Variants in ANKS1B observed in about 807,000 individuals in gnomAD.
The protein encoded by ANKS1B is ankyrin repeat and sterile alpha motif domain-containing protein 1B.
ANKS1B carries 36 observed loss-of-function variants against 148.3 expected under a neutral mutation model. The ratio of observed to expected loss-of-function variants is 0.24; its 90% CI spans 0.19 to 0.32. The LOEUF (loss-of-function observed/expected upper bound fraction) is 0.32. Among genes scored for constraint, ANKS1B ranks in the 10% least tolerant of loss-of-function variants. The pLI is 1.00. For missense variants in ANKS1B, 1,157 were observed against 1,542.6 expected (o/e 0.75, Z 4.19); for synonymous variants, 542 against 560.8 (o/e 0.97, Z 0.47).
intron 3 of ANKS1B, among the ~76,000 whole-genome samples, chr12:99,808,390 C>A (rs77716104): frequency 3.3e-5 from 5 of 152,020 alleles, no homozygotes; most frequent in African/African-American, 1.2e-4. Flanking sequence ...TACTACTTTA[C>A]CTTGCAAATA....
chr12:99,614,547 A>C (rs965940571), intron 9 of ANKS1B, among the ~76,000 whole-genome samples: 3 of 146,312 alleles, frequency 2.1e-5, no homozygotes, highest in African/African-American at 7.4e-5. Flanking sequence ...TTTTCCATGT[A>C]CTAACAGCAA....
At chr12:99,692,782 T>C (rs527655741) in intron 8 of ANKS1B, among the ~76,000 whole-genome samples, 56 of 152,112 alleles carry the variant, frequency 3.7e-4, no homozygotes, top group African/African-American at 1.3e-3. Flanking sequence ...GGGAAGTCTA[T>C]GGGAGGAACC....
intron 17 of ANKS1B, among the ~76,000 whole-genome samples, chr12:98,927,696 G>A (rs2099810000): frequency 6.6e-6 from 1 of 151,536 alleles, no homozygotes; most frequent in African/African-American, 2.4e-5. Context: ...ACGGTAAATT[G>A]GTATTAATCC....
chr12:99,969,911 C>A (rs2095537320), intron 1 of ANKS1B, among the ~76,000 whole-genome samples: 1 of 152,074 alleles, frequency 6.6e-6, no homozygotes, highest in Non-Finnish European at 1.5e-5. Flanking sequence ...TTTTTCTAAC[C>A]TTTTCACCCA....
intron 8 of ANKS1B, among the ~76,000 whole-genome samples, chr12:99,686,923 C>T (rs1168547616): frequency 6.6e-6 from 1 of 152,078 alleles, no homozygotes; most frequent in Non-Finnish European, 1.5e-5. Flanking sequence ...ACCTATTTAT[C>T]ATTGTGGAAC....
chr12:98,991,563 A>G lies in ANKS1B; in HGVS notation c.2778+61594T>C, dbSNP rs12316423. Among the ~76,000 whole-genome samples, 775 of 152,356 alleles carry G rather than the reference A, an allele frequency of 5.1e-3. 13 individuals carry two copies. The highest frequency in any genetic ancestry group is 0.018 in the African/African-American group (743 of 41,582). On this transcript the variant is annotated intron_variant, in intron 17 of 26. Coordinates refer to ENST00000683438, the MANE Select transcript of ANKS1B (RefSeq NM_001352186.2). ...TGTCTTGCAAACGACCTGAACATCA[A>G]TTAACAATCTAATAATAATAGTAAC...
At chr12:99,983,270 A>G (rs746086509) in intron 1 of ANKS1B, among the ~76,000 whole-genome samples, 4 of 152,184 alleles carry the variant, frequency 2.6e-5, no homozygotes, top group Non-Finnish European at 5.9e-5. Context: ...TTGTCCATCA[A>G]TACAACTTTT....
chr12:99,046,527 C>T (rs1449413434), intron 17 of ANKS1B, among the ~76,000 whole-genome samples: 3 of 151,366 alleles, frequency 2.0e-5, no homozygotes, highest in Admixed American at 6.6e-5. Context: ...TGGCCGGGTG[C>T]GGTGGCTCAT....
chr12:98,881,222 G>T (rs2099707161), intron 17 of ANKS1B, among the ~76,000 whole-genome samples: 1 of 152,086 alleles, frequency 6.6e-6, no homozygotes, highest in East Asian at 1.9e-4. Context: ...CTTATAAATT[G>T]CTCAGTCCTT....
intron 19 of ANKS1B, among the ~76,000 whole-genome samples, chr12:98,819,015 A>C (rs895736236): frequency 7.2e-5 from 11 of 152,124 alleles, no homozygotes; most frequent in African/African-American, 2.7e-4. Context: ...ATTCTACTTT[A>C]ATCAACACTT....
chr12:99,623,835 C>A (rs943001168), intron 9 of ANKS1B, among the ~76,000 whole-genome samples: 20 of 150,370 alleles, frequency 1.3e-4, no homozygotes, highest in African/African-American at 3.9e-4. Context: ...CTGCCCAAAG[C>A]AATCTACATT....
In ANKS1B at chr12:98,970,307, T is replaced by C. The variant is rs1337964336; in HGVS notation, c.2778+82850A>G. 7.2e-5 allele frequency among the ~76,000 whole-genome samples: 11 copies of C among 152,228 alleles called. 1 individual carries two copies. On this transcript the variant is annotated intron_variant, in intron 17 of 26. Transcript: ENST00000683438. ...TGACACCTCTTCTTATACTTGATGT[T>C]GTTCTCTAGAATGCTGTTAAATTTG...
chr12:99,867,568 T>C (rs2090926628), intron 1 of ANKS1B, among the ~76,000 whole-genome samples: 1 of 152,104 alleles, frequency 6.6e-6, no homozygotes, highest in South Asian at 2.1e-4. Context: ...AGTTTCCCCT[T>C]ATAAAACCAT....
intron 17 of ANKS1B, among the ~76,000 whole-genome samples, chr12:98,884,672 G>A (rs565793729): frequency 2.6e-5 from 4 of 151,812 alleles, no homozygotes; most frequent in South Asian, 4.2e-4. Context: ...GGTGGCGGGC[G>A]CCTGTAGTCC....
chr12:99,134,961 T>C (rs1210701765), intron 15 of ANKS1B, among the ~76,000 whole-genome samples: 4 of 152,118 alleles, frequency 2.6e-5, no homozygotes, highest in Non-Finnish European at 4.4e-5. Context: ...CATTAGAGGA[T>C]AGCTTTTAGC....
chr12:99,179,256 G>A (rs531587367), intron 14 of ANKS1B, among the ~76,000 whole-genome samples: 2 of 151,420 alleles, frequency 1.3e-5, no homozygotes, highest in Admixed American at 6.6e-5. Flanking sequence ...GTGAAACCCC[G>A]TCTCTACTAA....
Position 98,798,838 on chromosome 12 carries a change from G to T in ANKS1B, c.3342+96C>A, listed in dbSNP as rs185994741. 8.4e-4 allele frequency: 858 copies of T among 1,020,604 alleles called. 1 individual carries two copies. Among genetic ancestry groups the T allele is most frequent in the Admixed American group, 4.7e-3 (186 of 39,622 alleles). The allele number at this position is 1,020,604 out of a possible 1,614,324, so 63.2% of individuals were successfully genotyped here. A position where few individuals can be genotyped will look rare whatever the true frequency, so the allele number is the denominator to read the frequency against. Reference sequence around the variant, plus strand: ...ACCAATGTGATTCAGCAGACCAACAGATGGAGAAAATAGTAATTTGAAAGG... The same window carrying T: ...ACCAATGTGATTCAGCAGACCAACATATGGAGAAAATAGTAATTTGAAAGG... On this transcript the variant is annotated intron_variant, in intron 22 of 26. Coordinates refer to ENST00000683438, the MANE Select transcript of ANKS1B (RefSeq NM_001352186.2).
At chr12:99,476,451 C>T (rs12321320) in intron 10 of ANKS1B, among the ~76,000 whole-genome samples, 5,708 of 151,926 alleles carry the variant, frequency 0.038, 377 homozygotes, top group African/African-American at 0.13. Context: ...AGAAAAATGA[C>T]AAATTGAGAA....
chr12:99,591,396 G>A lies in ANKS1B; in HGVS notation c.1272+63671C>T, dbSNP rs575595094. ...TGATGGTCAAAGTAACCATGACTAC[G>A]GTTTTCAGACTTATAACAAGTGTTA... is the stretch of plus-strand genomic sequence containing the variant. On this transcript the variant is annotated intron_variant, in intron 9 of 26. Transcript: ENST00000683438. Among the ~76,000 whole-genome samples the A allele has an allele frequency of 8.6e-5, 13 of 151,596 alleles. 1 individual carries two copies. The highest frequency in any genetic ancestry group is 5.8e-4 in the East Asian group (3 of 5,182).
Sources: allele counts gnomAD v4.1 joint callset (sites outside exome capture counted in the v4.1 genomes callset), GRCh38; gene constraint gnomAD v4.1.1; transcripts MANE v1.5; gene names NCBI Gene and HGNC (gene_info 2026-07-23, HGNC 2026-07-21).